NRG3: variants seen among roughly 807,000 people sequenced by gnomAD.
The protein encoded by NRG3 is pro-neuregulin-3, membrane-bound isoform.
A neutral mutation model predicts 66.9 loss-of-function variants in NRG3; 31 were observed. That is an observed-to-expected ratio of 0.46 (90% confidence interval 0.35 to 0.63). The LOEUF (loss-of-function observed/expected upper bound fraction) is 0.63, where lower values mean the gene tolerates loss of function less well. Ranked by LOEUF, NRG3 falls within the 20% of genes least tolerant of loss-of-function variation. The probability of loss-of-function intolerance (pLI) is 0.00; values close to 1 mark genes in which losing one functional copy is unlikely to be tolerated. For missense variants in NRG3, 910 were observed against 878.9 expected, an observed-to-expected ratio of 1.04 and a Z score of -0.45; for synonymous variants, 393 against 359.4, an observed-to-expected ratio of 1.09 and a Z score of -1.06.
chr10:81,882,615 A>C, intron 1 of NRG3, among the ~76,000 whole-genome samples: 1 of 152,172 alleles, frequency 6.6e-6, no homozygotes, highest in East Asian at 1.9e-4. Context: ...AGAGTTTATA[A>C]GCTGAAAAAC....
chr10:82,351,033 A>C (rs898654574), intron 1 of NRG3, among the ~76,000 whole-genome samples: 1 of 151,992 alleles, frequency 6.6e-6, no homozygotes, highest in Admixed American at 6.6e-5. Context: ...CTGGGACTAC[A>C]GGCGCCCGCC....
At chr10:81,890,782 G>A (rs970245342) in intron 1 of NRG3, among the ~76,000 whole-genome samples, 2 of 152,200 alleles carry the variant, frequency 1.3e-5, no homozygotes, top group African/African-American at 2.4e-5. Context: ...TTAAATTGCC[G>A]GTCAGTGAAC....
chr10:82,029,821 A>G (rs1184466076), intron 1 of NRG3, among the ~76,000 whole-genome samples: 1 of 152,054 alleles, frequency 6.6e-6, no homozygotes, highest in East Asian at 1.9e-4. Context: ...CTAATGAGCT[A>G]ATTAGGAGTT....
At chr10:82,757,267 C>G (rs1041045177) in intron 3 of NRG3, among the ~76,000 whole-genome samples, 1 of 151,998 alleles carries the variant, frequency 6.6e-6, no homozygotes, top group African/African-American at 2.4e-5. Flanking sequence ...TTATGAAGCC[C>G]CAACCACTGT....
chr10:82,578,279 T>C (rs1590742069), intron 2 of NRG3, among the ~76,000 whole-genome samples: 1 of 125,572 alleles, frequency 8.0e-6, no homozygotes, highest in Non-Finnish European at 1.8e-5. Flanking sequence ...TTTTCTGACA[T>C]CTAGGCTAAA....
intron 2 of NRG3, among the ~76,000 whole-genome samples, chr10:82,699,046 G>T (rs2055624176): frequency 6.6e-6 from 1 of 151,998 alleles, no homozygotes; most frequent in Admixed American, 6.6e-5. Context: ...GCTTTCCAAG[G>T]GCAAATCAAA....
At chr10:82,116,579 A>T (rs887856430) in intron 1 of NRG3, among the ~76,000 whole-genome samples, 2 of 152,128 alleles carry the variant, frequency 1.3e-5, no homozygotes, top group African/African-American at 4.8e-5. Context: ...AAAATAACGA[A>T]AGCTTGCTCA....
At chr10:82,491,422 T>A (rs1055333442) in intron 2 of NRG3, among the ~76,000 whole-genome samples, 1 of 150,724 alleles carries the variant, frequency 6.6e-6, no homozygotes, top group African/African-American at 2.4e-5. Flanking sequence ...CACAAGGGCA[T>A]AAATTTGGTC....
intron 1 of NRG3, among the ~76,000 whole-genome samples, chr10:82,208,892 A>G (rs1589320557): frequency 6.6e-6 from 1 of 152,160 alleles, no homozygotes; most frequent in South Asian, 2.1e-4. Context: ...TGCACACAGT[A>G]ATCTCTGAAG....
chr10:82,834,207 G>A (rs998371409), intron 3 of NRG3, among the ~76,000 whole-genome samples: 2 of 152,042 alleles, frequency 1.3e-5, no homozygotes, highest in Non-Finnish European at 2.9e-5. Context: ...TCAGCTCTTG[G>A]CTCTTCCTAA....
chr10:82,432,224 A>AG (rs1206602998), intron 2 of NRG3, among the ~76,000 whole-genome samples: 18 of 152,264 alleles, frequency 1.2e-4, no homozygotes, highest in African/African-American at 3.6e-4. Flanking sequence ...TAAGTTATCA[A>AG]ATCGTGTATT....
At chr10:82,971,421 G>A (rs1310145751) in intron 6 of NRG3, among the ~76,000 whole-genome samples, 1 of 146,042 alleles carries the variant, frequency 6.8e-6, no homozygotes, top group Non-Finnish European at 1.5e-5. Context: ...TTCGTGACTA[G>A]TTGAGAAAGC....
At position 82,446,856 on chromosome 10, in the gene NRG3, C is replaced by T. The variant is rs569926167; in HGVS notation, c.953+87988C>T. Among the ~76,000 whole-genome samples, 3 of 152,238 alleles carry T rather than the reference C, an allele frequency of 2.0e-5. No individual in the cohort carries two copies. In the East Asian group the frequency reaches 5.8e-4, roughly 29 times the overall value. On this transcript the variant is annotated intron_variant, in intron 2 of 8. Transcript: ENST00000372141. ...TGTCCCCTGCCCCCATGCCTGAAAA[C>T]CTTGTAAGATTTTGGTTCTGAATTG... is the stretch of plus-strand genomic sequence containing the variant.
At chr10:82,631,557 C>T (rs936831571) in intron 2 of NRG3, among the ~76,000 whole-genome samples, 6 of 149,918 alleles carry the variant, frequency 4.0e-5, no homozygotes, top group African/African-American at 1.5e-4. Context: ...TTCCATTTGA[C>T]TGTGGGCATC....
At chr10:82,334,863 C>T (rs1589754917) in intron 1 of NRG3, among the ~76,000 whole-genome samples, 1 of 152,106 alleles carries the variant, frequency 6.6e-6, no homozygotes, top group Non-Finnish European at 1.5e-5. Context: ...TTTGGAAGAA[C>T]ACTACCAACA....
intron 1 of NRG3, among the ~76,000 whole-genome samples, chr10:81,928,346 C>G (rs1349200460): frequency 6.6e-6 from 1 of 152,162 alleles, no homozygotes; most frequent in African/African-American, 2.4e-5. Flanking sequence ...CCACCTCCCT[C>G]CTCTTTCTCA....
chr10:82,300,893 G>T (rs1483426435), intron 1 of NRG3, among the ~76,000 whole-genome samples: 2 of 151,984 alleles, frequency 1.3e-5, no homozygotes, highest in African/African-American at 2.4e-5. Flanking sequence ...CTACTCAGGA[G>T]GCTGAAGTGG....
At chr10:81,987,505 A>G (rs2060571870) in intron 1 of NRG3, among the ~76,000 whole-genome samples, 1 of 152,246 alleles carries the variant, frequency 6.6e-6, no homozygotes, top group South Asian at 2.1e-4. Flanking sequence ...AAATAAGCAA[A>G]TCAACCTGAT....
intron 3 of NRG3, among the ~76,000 whole-genome samples, chr10:82,741,293 G>A (rs766982707): frequency 6.6e-5 from 10 of 152,040 alleles, no homozygotes; most frequent in South Asian, 4.1e-4. Flanking sequence ...TGAGGATCCC[G>A]CAGATTAGTG....
Sources: gnomAD v4.1 joint callset for allele counts (sites outside exome capture counted in the v4.1 genomes callset) on GRCh38, gnomAD v4.1.1 for gene constraint, MANE v1.5 for transcripts, NCBI Gene and HGNC (gene_info 2026-07-23, HGNC 2026-07-21) for gene names.